Variants in C12orf56 observed in about 807,000 individuals in gnomAD.
C12orf56 encodes uncharacterized protein C12orf56.
C12orf56 carries 71 observed loss-of-function variants against 69.9 expected under a neutral mutation model. The observed-to-expected ratio is 1.02, with a 90% CI of 0.84 to 1.24. The LOEUF is 1.24. Among genes scored for constraint, C12orf56 ranks in the 50% most tolerant of loss-of-function variants. The probability of loss-of-function intolerance (pLI) is 0.00; values close to 1 mark genes in which losing one functional copy is unlikely to be tolerated. For synonymous variants in C12orf56, 276 were observed against 274.1 expected (o/e 1.01, Z -0.07); for missense variants, 732 against 738.5 (o/e 0.99, Z 0.10).
chr12:64,375,465 T>G (rs1028585837), intron 1 of C12orf56, among the ~76,000 whole-genome samples: 14 of 152,210 alleles, frequency 9.2e-5, no homozygotes, highest in Non-Finnish European at 1.5e-5. Context: ...CATAAAGCAG[T>G]GGAGACAACT....
At chr12:64,358,078 C>T (rs2039344237) in intron 1 of C12orf56, among the ~76,000 whole-genome samples, 1 of 152,114 alleles carries the variant, frequency 6.6e-6, no homozygotes, top group South Asian at 2.1e-4. Flanking sequence ...TAAAAAGAAA[C>T]TATGAATAGT....
chr12:64,342,652 T>C (rs1354789453), intron 2 of C12orf56, among the ~76,000 whole-genome samples: 1 of 152,210 alleles, frequency 6.6e-6, no homozygotes, highest in East Asian at 1.9e-4. Context: ...ATCCACTTTA[T>C]GGCTAGATGT....
At chr12:64,386,190 C>G (rs898272789) in intron 1 of C12orf56, among the ~76,000 whole-genome samples, 1 of 151,968 alleles carries the variant, frequency 6.6e-6, no homozygotes, top group Non-Finnish European at 1.5e-5. Flanking sequence ...TCTTCTGCCC[C>G]TCTCTTCCAC....
At chr12:64,267,719 A>T (rs2037933850) in intron 12 of C12orf56, 1 of 158,640 alleles carries the variant, frequency 6.3e-6, no homozygotes, top group South Asian at 1.9e-4. Context: ...AAAATGAGAA[A>T]GACTTCAACC....
chr12:64,365,195 G>C (rs956588287), intron 1 of C12orf56, among the ~76,000 whole-genome samples: 14 of 114,254 alleles, frequency 1.2e-4, no homozygotes, highest in African/African-American at 4.2e-4. Flanking sequence ...ATGGAGTTTC[G>C]CTCCTGTTGC....
At chr12:64,330,877 G>GA (rs1368110931) in intron 3 of C12orf56, 83 bp downstream of exon 3, 38 of 1,181,774 alleles carry the variant, frequency 3.2e-5, no homozygotes, top group East Asian at 7.8e-5. Context: ...CATTAGTAGA[G>GA]AAAAAAAATT....
At position 64,308,956 on chromosome 12, in the gene C12orf56, AAAG is replaced by A. The variant is rs1283295721; in HGVS notation, c.968+3720_968+3722del. 5.0e-4 allele frequency among the ~76,000 whole-genome samples: 56 copies of A among 112,986 alleles called. 2 individuals are homozygous for A. The highest frequency in any genetic ancestry group is 8.6e-4 in the South Asian group (3 of 3,500). 74.1% of individuals were successfully genotyped at this position (112,986 alleles called of 152,430 possible). On this transcript the variant is annotated intron_variant, in intron 5 of 12. Transcript: ENST00000543942. ...AGAAAGAAAGAAGAAAGAAAGAAAGAAAGAAAGAAAGAAAGAAAAGAAAGAAAG... is the reference window on the plus strand; with the variant it reads ...AGAAAGAAAGAAGAAAGAAAGAAAGAAAAGAAAGAAAGAAAAGAAAGAAAG...
chr12:64,317,818 C>T (rs994719717), intron 4 of C12orf56, among the ~76,000 whole-genome samples: 1 of 151,982 alleles, frequency 6.6e-6, no homozygotes, highest in Admixed American at 6.6e-5. Context: ...AAGGACTTAA[C>T]CTAGTGATTT....
chr12:64,343,212 C>A (rs1359264095), intron 2 of C12orf56, among the ~76,000 whole-genome samples: 1 of 152,024 alleles, frequency 6.6e-6, no homozygotes, highest in Non-Finnish European at 1.5e-5. Context: ...GAAATTTTAC[C>A]GAGGTAGAAG....
In C12orf56 at chr12:64,266,588, G is replaced by A. The variant is rs973522445; in HGVS notation, c.*595C>T. The A allele has an allele frequency of 1.0e-5, 4 of 383,810 alleles. No homozygotes were observed. The highest frequency in any genetic ancestry group is 1.4e-5 in the Non-Finnish European group (3 of 211,740). The allele number at this position is 383,810 out of a possible 1,614,324, so 23.8% of individuals were successfully genotyped here. A position where few individuals can be genotyped will look rare whatever the true frequency, so the allele number is the denominator to read the frequency against. Reference sequence around the variant, plus strand: ...TGGTGGTGGACATAGTGGACTCCAAGAACCTAGTCGAAATAATGGTTTTTG... The same window carrying A: ...TGGTGGTGGACATAGTGGACTCCAAAAACCTAGTCGAAATAATGGTTTTTG... On this transcript the variant is annotated 3_prime_UTR_variant, in exon 13 of 13. Transcript: ENST00000543942.
chr12:64,293,633 A>G (rs912324835), intron 6 of C12orf56, among the ~76,000 whole-genome samples: 4 of 152,260 alleles, frequency 2.6e-5, no homozygotes, highest in Non-Finnish European at 5.9e-5. Flanking sequence ...TCTAATAAGT[A>G]TCACTGTTAT....
chr12:64,377,967 G>T (rs866405453), intron 1 of C12orf56, among the ~76,000 whole-genome samples: 51 of 152,136 alleles, frequency 3.4e-4, no homozygotes, highest in African/African-American at 9.7e-4. Flanking sequence ...GCCACTTAAT[G>T]GACAACCTTG....
rs1405939304 is a variant in C12orf56 at position 64,275,471 on chromosome 12, C to CT, written c.1435-100dup. 88 of 546,916 alleles carry CT rather than the reference C, an allele frequency of 1.6e-4. 1 individual carries two copies. In the Middle Eastern group the frequency reaches 2.0e-3, roughly 12 times the overall value. The allele number at this position is 546,916 out of a possible 1,614,324, so 33.9% of individuals were successfully genotyped here. A position where few individuals can be genotyped will look rare whatever the true frequency, so the allele number is the denominator to read the frequency against. Reference sequence around the variant, plus strand: ...TAGGTACTTATACAATAAACTTTCTCTTTTTTTTGAGACAAGGTCTCATGC... The same window carrying CT: ...TAGGTACTTATACAATAAACTTTCTCTTTTTTTTTGAGACAAGGTCTCATGC... On this transcript the variant is annotated intron_variant, in intron 9 of 12. Coordinates refer to ENST00000543942, the MANE Select transcript of C12orf56 (RefSeq NM_001170633.2).
chr12:64,341,433 T>C (rs1259199196), intron 2 of C12orf56, among the ~76,000 whole-genome samples: 1 of 152,154 alleles, frequency 6.6e-6, no homozygotes, highest in Non-Finnish European at 1.5e-5. Flanking sequence ...GTCACCTAGT[T>C]GGCCATGTAA....
Position 64,366,986 on chromosome 12 carries a change from A to G in C12orf56, c.253-13930T>C, listed in dbSNP as rs574515105. On this transcript the variant is annotated intron_variant, in intron 1 of 12. Coordinates refer to ENST00000543942, the MANE Select transcript of C12orf56 (RefSeq NM_001170633.2). ...ATAACATACACTTTATATATTATAT[A>G]TAACATACACTTTATATATTATATA... Among the ~76,000 whole-genome samples the G allele has an allele frequency of 1.1e-3, 109 of 102,396 alleles. 13 individuals carry two copies. The highest frequency in any genetic ancestry group is 4.0e-3 in the African/African-American group (100 of 24,870). The allele number at this position is 102,396 out of a possible 152,430, so 67.2% of individuals were successfully genotyped here.
intron 2 of C12orf56, among the ~76,000 whole-genome samples, chr12:64,333,596 G>A (rs2038958550): frequency 6.6e-6 from 1 of 152,302 alleles, no homozygotes; most frequent in African/African-American, 2.4e-5. Flanking sequence ...CCGCCTCCCA[G>A]GCAAAAGCAA....
At chr12:64,280,942 T>C (rs2038114814) in intron 8 of C12orf56, among the ~76,000 whole-genome samples, 1 of 152,172 alleles carries the variant, frequency 6.6e-6, no homozygotes. Context: ...TTTAAGCCAC[T>C]AAGTTTGTGA....
rs551736511 is a variant in C12orf56, at chr12:64,370,181, C to T, written c.253-17125G>A. ...CCAACATAGCAAAACCCTGTCTCCA[C>T]AAAAAATACAAAAATTAGTCAGGTG... On this transcript the variant is annotated intron_variant, in intron 1 of 12. Coordinates refer to ENST00000543942, the MANE Select transcript of C12orf56 (RefSeq NM_001170633.2). Among the ~76,000 whole-genome samples, 7 of 150,496 alleles carry T rather than the reference C, an allele frequency of 4.7e-5. No individual in the cohort carries two copies. In the East Asian group the frequency reaches 1.2e-3, roughly 26 times the overall value.
chr12:64,267,546 T>C, intron 12 of C12orf56: 1 of 433,976 alleles, frequency 2.3e-6, no homozygotes. Context: ...CACCACAGTA[T>C]GAGCAGAGGC....
Sources: gnomAD v4.1 joint callset for allele counts (sites outside exome capture counted in the v4.1 genomes callset) on GRCh38, gnomAD v4.1.1 for gene constraint, MANE v1.5 for transcripts, NCBI Gene and HGNC (gene_info 2026-07-23, HGNC 2026-07-21) for gene names.